HSPG2: variants seen among roughly 807,000 people sequenced by gnomAD.
The protein encoded by HSPG2 is basement membrane-specific heparan sulfate proteoglycan core protein.
A neutral mutation model predicts 526.6 loss-of-function variants in HSPG2; 278 were observed. That is an observed-to-expected ratio of 0.53 (90% CI 0.48 to 0.58). HSPG2 has a LOEUF of 0.58. Ranked by LOEUF, HSPG2 falls within the 20% of genes least tolerant of loss-of-function variation. The pLI is 0.00. For synonymous variants in HSPG2, 2,465 were observed against 2,555.4 expected, an observed-to-expected ratio of 0.96 and a Z score of 1.07; for missense variants, 5,354 against 6,099.5, an observed-to-expected ratio of 0.88 and a Z score of 4.07.
In HSPG2 at chr1:21,881,481, G is replaced by A. The variant is rs748179999; in HGVS notation, c.1676C>T (p.Ala559Val). ...GGAGAGGGGTGGCGTGCCGGGCTGC[G>A]CAGGCATTGTCACATTCACACCTGT... ...DFKGVNVTMP[A>V]QPGTPPLSST... The change falls in exon 14 of 97, where the codon GCG becomes GTG. Residue 559 changes from alanine to valine, a missense_variant. Coordinates refer to ENST00000374695, the MANE Select transcript of HSPG2 (RefSeq NM_005529.7). 1.9e-5 allele frequency: 31 copies of A among 1,612,442 alleles called. No individual in the cohort carries two copies. Among genetic ancestry groups the A allele is most frequent in the Non-Finnish European group, 2.2e-5 (26 of 1,179,958 alleles).
Position 21,828,029 on chromosome 1 carries a change from C to T in HSPG2, c.12532+1G>A. On this transcript the variant is annotated splice_donor_variant, in intron 90 of 96. Coordinates refer to ENST00000374695, the MANE Select transcript of HSPG2 (RefSeq NM_005529.7). LOFTEE classifies it high-confidence loss of function. The surrounding 1 kb of genome is among the most constrained non-coding windows in gnomAD (Gnocchi z 6.0). ...AGTGGAGAGAAGCCAGGCCTGGGTA[C>T]CTTGTTGGCAGCGTGGGCCAGAGAA... The T allele has an allele frequency of 6.2e-7, 1 of 1,613,618 alleles. No homozygotes were observed. The highest frequency in any genetic ancestry group is 8.5e-7 in the Non-Finnish European group (1 of 1,180,004).
Position 21,859,624 on chromosome 1 carries a change from A to G in HSPG2, c.5235T>C (p.Ile1745=). 2 of 1,606,830 alleles carry G rather than the reference A, an allele frequency of 1.2e-6. No individual in the cohort carries two copies. The highest frequency in any genetic ancestry group is 1.7e-6 in the Non-Finnish European group (2 of 1,176,974). Residue 1745 remains isoleucine, a synonymous_variant, in exon 42 of 97, where the codon ATT becomes ATC. Coordinates refer to ENST00000374695, the MANE Select transcript of HSPG2 (RefSeq NM_005529.7). The surrounding 1 kb of genome is among the most constrained non-coding windows in gnomAD (Gnocchi z 5.3). ...ATTGGTGGAGATTACGGCAGGTGCA[A>G]ATGTAGACCCCAGCATCCGAGGGCT... ...SVQPSDAGVY[I]CTCRNLHQSN...
At chr1:21,926,878 G>C (rs907478617) in intron 1 of HSPG2, among the ~76,000 whole-genome samples, 2 of 151,368 alleles carry the variant, frequency 1.3e-5, no homozygotes, top group Non-Finnish European at 2.9e-5. Flanking sequence ...AGGGATCCAA[G>C]AAGAGGCATG....
chr1:21,868,922 T>C (rs2152741082), intron 33 of HSPG2: 7 of 982,752 alleles, frequency 7.1e-6, no homozygotes, highest in Non-Finnish European at 7.2e-6. Flanking sequence ...CTGCCAGTAA[T>C]AGAGGCTTCC....
chr1:21,907,604 G>A (rs1643446055), intron 1 of HSPG2, among the ~76,000 whole-genome samples: 1 of 152,134 alleles, frequency 6.6e-6, no homozygotes, highest in Non-Finnish European at 1.5e-5. Context: ...CCTCCTCAGA[G>A]CCTCCTAGGC....
At chr1:21,870,856 G>A (rs1049629545) in intron 33 of HSPG2, 32 of 986,158 alleles carry the variant, frequency 3.2e-5, no homozygotes, top group East Asian at 1.1e-4. Flanking sequence ...GCGCATCCGC[G>A]CAAAGTACGC....
At position 21,865,741 on chromosome 1, in the gene HSPG2, G is replaced by A; in HGVS notation, c.4290C>T (p.Leu1430=). The change falls in exon 34 of 97, where the codon CTC becomes CTT. Residue 1430 remains leucine (L), a synonymous_variant. Coordinates refer to ENST00000374695, the MANE Select transcript of HSPG2 (RefSeq NM_005529.7). This position sits in a 1 kb window ranked among gnomAD's most constrained non-coding sequence, Gnocchi z 5.4. ...CCGTGATCTGCACATCGGGGTCAGAGAGTGGGCTGCCCTGTGGGCCTGCTG... is the reference window on the plus strand; with the variant it reads ...CCGTGATCTGCACATCGGGGTCAGAAAGTGGGCTGCCCTGTGGGCCTGCTG... ...SYTAGPQGSP[L]SDPDVQITGN... The A allele has an allele frequency of 6.2e-7, 1 of 1,613,860 alleles. No individual in the cohort carries two copies. The highest frequency in any genetic ancestry group is 1.1e-5 in the South Asian group (1 of 91,080).
At chr1:21,827,800 T>G (rs1403341597) in intron 91 of HSPG2, 63 bp downstream of exon 91, 1 of 1,493,026 alleles carries the variant, frequency 6.7e-7, no homozygotes, top group East Asian at 2.4e-5. Context: ...GAATTGAGGG[T>G]GTGGGGTAAC....
At chr1:21,928,848 C>T (rs1379991849) in intron 1 of HSPG2, among the ~76,000 whole-genome samples, 1 of 152,008 alleles carries the variant, frequency 6.6e-6, no homozygotes, top group Non-Finnish European at 1.5e-5. Context: ...CTCCCGGGTT[C>T]AAGTGATTCT....
chr1:21,850,327 G>C (rs769176099), intron 56 of HSPG2, 36 bp downstream of exon 56: 2 of 1,602,736 alleles, frequency 1.2e-6, no homozygotes, highest in East Asian at 4.5e-5. Context: ...CTCCCACCCT[G>C]GGTCCCCAGC....
intron 91 of HSPG2, among the ~76,000 whole-genome samples, chr1:21,825,452 C>T (rs1032889350): frequency 8.5e-5 from 13 of 152,130 alleles, no homozygotes; most frequent in African/African-American, 2.7e-4. Context: ...TGGTTCAGAG[C>T]CTTGGTGTTC....
At chr1:21,931,608 A>T (rs1644352592) in intron 1 of HSPG2, among the ~76,000 whole-genome samples, 1 of 152,050 alleles carries the variant, frequency 6.6e-6, no homozygotes, top group Non-Finnish European at 1.5e-5. Context: ...GATTGGGTGA[A>T]GGGGAGGGGG....
At chr1:21,918,128 C>T (rs957246358) in intron 1 of HSPG2, among the ~76,000 whole-genome samples, 1 of 152,094 alleles carries the variant, frequency 6.6e-6, no homozygotes, top group South Asian at 2.1e-4. Flanking sequence ...GCAGAGGAGT[C>T]CAGACCCTTC....
intron 1 of HSPG2, among the ~76,000 whole-genome samples, chr1:21,916,761 C>T (rs1643896723): frequency 1.3e-5 from 2 of 151,914 alleles, no homozygotes; most frequent in African/African-American, 2.4e-5. Context: ...ATTAAATAGT[C>T]ACGTGTGACT....
chr1:21,860,343 A>C, intron 39 of HSPG2, 108 bp from the exon 40 acceptor site: 1 of 1,015,656 alleles, frequency 9.8e-7, no homozygotes, highest in Non-Finnish European at 1.5e-6. Flanking sequence ...TCAGGTGAGG[A>C]GGCTCGGAGC....
In HSPG2 at chr1:21,887,389, C is replaced by G. The variant is rs763008643; in HGVS notation, c.958+31G>C. The G allele has an allele frequency of 1.2e-6, 2 of 1,613,912 alleles. No homozygotes were observed. The highest frequency in any genetic ancestry group is 2.2e-5 in the South Asian group (2 of 91,054). On this transcript the variant is annotated intron_variant, in intron 8 of 96. Coordinates refer to ENST00000374695, the MANE Select transcript of HSPG2 (RefSeq NM_005529.7). This position sits in a 1 kb window ranked among gnomAD's most constrained non-coding sequence, Gnocchi z 5.0. ...CCTCCCGGGCCAGCTTCCTGCTCCC[C>G]GCACCCACCTGCACCCCTGCCGGTG...
intron 1 of HSPG2, among the ~76,000 whole-genome samples, chr1:21,932,339 T>C (rs1244244102): frequency 6.6e-6 from 1 of 152,196 alleles, no homozygotes; most frequent in Non-Finnish European, 1.5e-5. Context: ...GCAGCATCTC[T>C]GAGTGTGTGG....
chr1:21,905,740 C>G (rs1340267410), intron 1 of HSPG2, among the ~76,000 whole-genome samples: 1 of 152,078 alleles, frequency 6.6e-6, no homozygotes, highest in Non-Finnish European at 1.5e-5. Context: ...GAAAATCCAT[C>G]TAAAAAAATA....
At chr1:21,846,060 C>T (rs760531427) in intron 64 of HSPG2, 48 bp downstream of exon 64, 7 of 1,606,118 alleles carry the variant, frequency 4.4e-6, no homozygotes, top group Non-Finnish European at 5.1e-6. Flanking sequence ...TGGTCTCTGT[C>T]CCTTCCTCCC....
Sources: gnomAD v4.1 joint callset for allele counts (sites outside exome capture counted in the v4.1 genomes callset) on GRCh38, gnomAD v4.1.1 for gene constraint, Gnocchi (gnomAD v3.1) non-coding constraint, MANE v1.5 for transcripts, NCBI Gene and HGNC (gene_info 2026-07-23, HGNC 2026-07-21) for gene names.